The following LPAR6 variants were observed in gnomAD, a reference collection of about 807,000 sequenced individuals.
LPAR6 encodes G-protein coupled purinergic receptor P2Y5.
A neutral mutation model predicts 22.0 loss-of-function variants in LPAR6; 17 were observed. The observed-to-expected ratio is 0.77, with a 90% CI of 0.53 to 1.16. The LOEUF (loss-of-function observed/expected upper bound fraction) is 1.16, where lower values mean the gene tolerates loss of function less well. LPAR6 is among the 50% of genes most tolerant of loss of function. The probability of loss-of-function intolerance (pLI) is 0.00; values close to 1 mark genes in which losing one functional copy is unlikely to be tolerated. For synonymous variants in LPAR6, 136 were observed against 139.8 expected (o/e 0.97, Z 0.19); for missense variants, 384 against 406.9 (o/e 0.94, Z 0.48).
upstream of LPAR6, among the ~76,000 whole-genome samples, chr13:48,416,159 C>A (rs1182867831): frequency 1.3e-5 from 2 of 152,160 alleles, no homozygotes; most frequent in Non-Finnish European, 2.9e-5. Context: ...AACACAGGAA[C>A]AGCTGGAGTC....
At chr13:48,442,869 A>G (rs1290894702) in intron 1 of LPAR6, among the ~76,000 whole-genome samples, 1 of 152,186 alleles carries the variant, frequency 6.6e-6, no homozygotes, top group Non-Finnish European at 1.5e-5. Context: ...GCACTTTTCA[A>G]AATACTTTAA....
In LPAR6 at chr13:48,411,684, A is replaced by G. The variant is rs2138199716; in HGVS notation, c.740T>C (p.Ile247Thr). ...CACAAGAGAATATAAAATAAGATTGATATTGTAAGGAACAAAACAGAAACA... is the reference window on the plus strand; with the variant it reads ...CACAAGAGAATATAAAATAAGATTGGTATTGTAAGGAACAAAACAGAAACA... ...IFCFCFVPYN[I>T]NLILYSLVRT... Residue 247 changes from isoleucine (I) to threonine (T), a missense_variant, in exon 1 of 1, where the codon ATC becomes ACC. Transcript: ENST00000620633. The G allele has an allele frequency of 1.2e-6, 2 of 1,610,112 alleles. No homozygotes were observed. Among genetic ancestry groups the G allele is most frequent in the Middle Eastern group, 3.3e-4 (2 of 6,058 alleles).
chr13:48,401,929 A>C (rs1948695589), intron 1 of LPAR6, among the ~76,000 whole-genome samples: 1 of 152,184 alleles, frequency 6.6e-6, no homozygotes, highest in Non-Finnish European at 1.5e-5. Context: ...CTATCTTTTA[A>C]GTCTGGTCAT....
chr13:48,412,482 G>A lies in LPAR6; in HGVS notation c.-59C>T. 5 of 1,117,812 alleles carry A rather than the reference G, an allele frequency of 4.5e-6. No homozygotes were observed. In the South Asian group the frequency reaches 6.2e-5, roughly 14 times the overall value. 69.2% of individuals were successfully genotyped at this position (1,117,812 alleles called of 1,614,324 possible). ...ACTTTCATCAGCTGCAGTCTCCTTT[G>A]GGATTCAGATTATAACCTCTATAAC... On this transcript the variant is annotated 5_prime_UTR_variant, in exon 1 of 1. Coordinates refer to ENST00000620633, the MANE Select transcript of LPAR6 (RefSeq NM_001162498.3).
chr13:48,418,453 C>G (rs1300554390), intron 2 of LPAR6, among the ~76,000 whole-genome samples: 1 of 152,164 alleles, frequency 6.6e-6, no homozygotes, highest in Non-Finnish European at 1.5e-5. Flanking sequence ...ACCATTGACA[C>G]TATGAAGAAA....
intron 1 of LPAR6, among the ~76,000 whole-genome samples, chr13:48,397,583 G>A (rs976976919): frequency 6.6e-6 from 1 of 152,038 alleles, no homozygotes; most frequent in African/African-American, 2.4e-5. Flanking sequence ...CATGGCACGC[G>A]TATACCTATG....
intron 1 of LPAR6, among the ~76,000 whole-genome samples, chr13:48,436,769 A>G (rs1299836129): frequency 6.6e-6 from 1 of 152,242 alleles, no homozygotes; most frequent in Non-Finnish European, 1.5e-5. Context: ...AAGGTCTGCC[A>G]AAATTCTTCT....
At chr13:48,428,564 T>C (rs1949099428), upstream of LPAR6, among the ~76,000 whole-genome samples, 1 of 152,216 alleles carries the variant, frequency 6.6e-6, no homozygotes, top group Non-Finnish European at 1.5e-5. Context: ...AGGTAAATAT[T>C]AAGCAAAGAA....
chr13:48,392,966 G>T (rs766141066), intron 1 of LPAR6, among the ~76,000 whole-genome samples: 1 of 152,028 alleles, frequency 6.6e-6, no homozygotes. Flanking sequence ...TTATTTATCT[G>T]GTTTTTGTTT....
At position 48,412,721 on chromosome 13, in the gene LPAR6, G is replaced by A. The variant is rs532005394; in HGVS notation, c.-298C>T. 4.5e-5 allele frequency: 20 copies of A among 446,642 alleles called. No homozygotes were observed. The highest frequency in any genetic ancestry group is 3.7e-5 in the Admixed American group (1 of 27,312). 27.7% of individuals were successfully genotyped at this position (446,642 alleles called of 1,614,324 possible). On this transcript the variant is annotated 5_prime_UTR_variant, in exon 1 of 1. Coordinates refer to ENST00000620633, the MANE Select transcript of LPAR6 (RefSeq NM_001162498.3). Reference sequence around the variant, plus strand: ...GCAACCTTTAAAAAATACAGTCAACGAGTCCAACCCATAGGATTATAAATT... The same window carrying A: ...GCAACCTTTAAAAAATACAGTCAACAAGTCCAACCCATAGGATTATAAATT...
chr13:48,413,794 A>T (rs1329698579), upstream of LPAR6, among the ~76,000 whole-genome samples: 1 of 152,126 alleles, frequency 6.6e-6, no homozygotes, highest in Non-Finnish European at 1.5e-5. Context: ...TGTGGTGTTA[A>T]TTTTACTTTC....
chr13:48,422,802 A>T (rs200792502), intron 1 of LPAR6: 1 of 145,784 alleles, frequency 6.9e-6, no homozygotes, highest in South Asian at 2.2e-4. Context: ...TAAAAAAAAA[A>T]CAAAAAGGAA....
chr13:48,426,591 C>G (rs1177680787), intron 1 of LPAR6: 1 of 152,270 alleles, frequency 6.6e-6, no homozygotes, highest in Non-Finnish European at 1.5e-5. Flanking sequence ...CCTGTTACAA[C>G]TAGCCATTCA....
chr13:48,434,627 G>C (rs775000166), intron 1 of LPAR6, among the ~76,000 whole-genome samples: 1 of 152,084 alleles, frequency 6.6e-6, no homozygotes, highest in Non-Finnish European at 1.5e-5. Flanking sequence ...ACACTATTCA[G>C]GGGTTTCCAC....
intron 2 of LPAR6, among the ~76,000 whole-genome samples, chr13:48,418,346 C>G (rs1054479145): frequency 1.3e-5 from 2 of 152,082 alleles, no homozygotes; most frequent in African/African-American, 4.8e-5. Context: ...GATTTTGTCA[C>G]CACCAGGCCT....
intron 1 of LPAR6, among the ~76,000 whole-genome samples, chr13:48,432,797 GGA>G (rs1949143765): frequency 6.6e-6 from 1 of 151,776 alleles, no homozygotes; most frequent in African/African-American, 2.4e-5. Context: ...TTATAATATA[GGA>G]GAGATATTAC....
intron 1 of LPAR6, among the ~76,000 whole-genome samples, chr13:48,395,590 G>A (rs957025239): frequency 6.6e-6 from 1 of 151,478 alleles, no homozygotes; most frequent in African/African-American, 2.4e-5. Context: ...GCATACACAA[G>A]TACCAATAGC....
chr13:48,419,671 T>A (rs1192824645), intron 2 of LPAR6, among the ~76,000 whole-genome samples: 1 of 150,376 alleles, frequency 6.6e-6, no homozygotes, highest in Non-Finnish European at 1.5e-5. Flanking sequence ...GAGAGAAGAA[T>A]CAAATAGACA....
downstream of LPAR6, among the ~76,000 whole-genome samples, chr13:48,409,489 G>C (rs761826991): frequency 6.6e-6 from 1 of 151,228 alleles, no homozygotes; most frequent in Non-Finnish European, 1.5e-5. Context: ...AAATCAGATA[G>C]GTTGGATGCT....
Sources: allele counts gnomAD v4.1 joint callset (sites outside exome capture counted in the v4.1 genomes callset), GRCh38; gene constraint gnomAD v4.1.1; transcripts MANE v1.5; gene names NCBI Gene and HGNC (gene_info 2026-07-23, HGNC 2026-07-21).